GRIP1: variants seen among roughly 807,000 people sequenced by gnomAD.
The protein encoded by GRIP1 is glutamate receptor-interacting protein 1.
A neutral mutation model predicts 129.9 loss-of-function variants in GRIP1; 45 were observed. The ratio of observed to expected loss-of-function variants is 0.35; its 90% CI spans 0.27 to 0.44. The LOEUF (loss-of-function observed/expected upper bound fraction) is 0.44. Ranked by LOEUF, GRIP1 falls within the 20% of genes least tolerant of loss-of-function variation. The pLI, the probability that GRIP1 is intolerant of heterozygous loss-of-function variation, is 1.00. For synonymous variants in GRIP1, 530 were observed against 520.8 expected (o/e 1.02, Z -0.24); for missense variants, 1,196 against 1,396.8 (o/e 0.86, Z 2.29).
At chr12:66,998,916 A>G (rs986979134) in intron 1 of GRIP1, among the ~76,000 whole-genome samples, 6 of 152,140 alleles carry the variant, frequency 3.9e-5, no homozygotes, top group Non-Finnish European at 8.8e-5. Context: ...CGAGCATTTG[A>G]GCCTAAGTGC....
intron 1 of GRIP1, among the ~76,000 whole-genome samples, chr12:66,609,747 G>A (rs1302728923): frequency 3.0e-4 from 45 of 152,124 alleles, no homozygotes; most frequent in Non-Finnish European, 8.8e-5. Context: ...AACTGATTTT[G>A]GAGCATTATA....
intron 11 of GRIP1, among the ~76,000 whole-genome samples, chr12:66,446,137 T>C (rs1332973960): frequency 6.9e-6 from 1 of 145,014 alleles, no homozygotes; most frequent in East Asian, 2.2e-4. Context: ...CTTCAGTCCT[T>C]GCTCTTTCCC....
At chr12:66,696,964 G>A (rs1258155027) in intron 1 of GRIP1, among the ~76,000 whole-genome samples, 1 of 152,168 alleles carries the variant, frequency 6.6e-6, no homozygotes, top group East Asian at 1.9e-4. Context: ...TTTATAAACT[G>A]TGCTTCCCAG....
chr12:66,366,216 A>T (rs2055134504), intron 23 of GRIP1, among the ~76,000 whole-genome samples: 1 of 152,226 alleles, frequency 6.6e-6, no homozygotes, highest in South Asian at 2.1e-4. Flanking sequence ...CTGACTCCAA[A>T]TATTTGTGAA....
At chr12:66,417,636 A>G (rs1263179665) in intron 15 of GRIP1, among the ~76,000 whole-genome samples, 1 of 152,206 alleles carries the variant, frequency 6.6e-6, no homozygotes. Context: ...TAGCATTTCT[A>G]TATGCCAACA....
chr12:66,651,870 A>G (rs1592702892), intron 1 of GRIP1, among the ~76,000 whole-genome samples: 1 of 152,250 alleles, frequency 6.6e-6, no homozygotes, highest in East Asian at 1.9e-4. Flanking sequence ...AGAATGAAGA[A>G]GGGACCAAAC....
chr12:66,580,912 T>C (rs554398552), intron 2 of GRIP1, among the ~76,000 whole-genome samples: 2 of 152,146 alleles, frequency 1.3e-5, no homozygotes, highest in South Asian at 2.1e-4. Context: ...GCGGACCTAA[T>C]AGACATCTAC....
intron 1 of GRIP1, among the ~76,000 whole-genome samples, chr12:66,706,055 G>A (rs1177285532): frequency 1.3e-5 from 2 of 152,132 alleles, no homozygotes; most frequent in African/African-American, 2.4e-5. Flanking sequence ...ATTGGCAAGT[G>A]GGATCTAATT....
chr12:66,598,128 C>T (rs115447364), intron 1 of GRIP1, among the ~76,000 whole-genome samples: 56 of 152,202 alleles, frequency 3.7e-4, no homozygotes, highest in African/African-American at 1.3e-3. Flanking sequence ...AGGATTTATT[C>T]AGAACAAGGC....
intron 2 of GRIP1, among the ~76,000 whole-genome samples, chr12:66,586,517 T>C (rs987231091): frequency 1.4e-4 from 21 of 152,106 alleles, no homozygotes; most frequent in Admixed American, 3.9e-4. Flanking sequence ...CCCTCAAGGG[T>C]GTAACTACCA....
intron 4 of GRIP1, among the ~76,000 whole-genome samples, chr12:66,535,220 G>T (rs2061571792): frequency 6.6e-6 from 1 of 152,082 alleles, no homozygotes; most frequent in Non-Finnish European, 1.5e-5. Flanking sequence ...TTAGGAAGGG[G>T]TTGTGTTTTA....
chr12:66,578,071 A>T (rs1014682461), intron 2 of GRIP1, among the ~76,000 whole-genome samples: 3 of 152,188 alleles, frequency 2.0e-5, no homozygotes, highest in Admixed American at 6.5e-5. Flanking sequence ...AACTTGAAAC[A>T]GGATGAGTGA....
At chr12:66,797,553 G>A (rs181099343) in intron 1 of GRIP1, among the ~76,000 whole-genome samples, 241 of 152,202 alleles carry the variant, frequency 1.6e-3, no homozygotes, top group Non-Finnish European at 2.3e-3. Context: ...ATTATATTTT[G>A]GGAGGATGGG....
chr12:66,427,790 C>T (rs1171157772), intron 14 of GRIP1, among the ~76,000 whole-genome samples: 1 of 152,128 alleles, frequency 6.6e-6, no homozygotes, highest in South Asian at 2.1e-4. Context: ...CTTAACATTC[C>T]TTTTTTGCGG....
chr12:67,055,169 A>T (rs1565658695), intron 1 of GRIP1, among the ~76,000 whole-genome samples: 1 of 152,240 alleles, frequency 6.6e-6, no homozygotes, highest in Non-Finnish European at 1.5e-5. Context: ...GGAAAATTGC[A>T]GATAAAGAGA....
At chr12:66,942,801 G>A (rs1285655089) in intron 1 of GRIP1, among the ~76,000 whole-genome samples, 1 of 152,178 alleles carries the variant, frequency 6.6e-6, no homozygotes. Context: ...CTTTTGGGAG[G>A]TGATTAGGTC....
At chr12:66,899,623 C>T (rs2137264204) in intron 1 of GRIP1, among the ~76,000 whole-genome samples, 2 of 152,200 alleles carry the variant, frequency 1.3e-5, no homozygotes, top group South Asian at 4.1e-4. Context: ...TCTTGGCCTC[C>T]CAAAGCACTG....
intron 1 of GRIP1, among the ~76,000 whole-genome samples, chr12:66,895,633 AG>A (rs1162446897): frequency 6.6e-6 from 1 of 152,178 alleles, no homozygotes; most frequent in Non-Finnish European, 1.5e-5. Context: ...ATTAACAAGC[AG>A]AAATGAGATT....
At chr12:67,043,040 G>A (rs561342807) in intron 1 of GRIP1, among the ~76,000 whole-genome samples, 2 of 152,302 alleles carry the variant, frequency 1.3e-5, no homozygotes, top group South Asian at 4.2e-4. Flanking sequence ...TAAATGGCCT[G>A]GAGAGTGTGA....
Sources: gnomAD v4.1 joint callset for allele counts (sites outside exome capture counted in the v4.1 genomes callset) on GRCh38, gnomAD v4.1.1 for gene constraint, MANE v1.5 for transcripts, NCBI Gene and HGNC (gene_info 2026-07-23, HGNC 2026-07-21) for gene names.